The following WDR43 variants were observed in gnomAD, a reference collection of about 807,000 sequenced individuals.
WDR43 encodes WD repeat domain 43.
Under a neutral mutation model 91.4 loss-of-function variants are expected in WDR43, and 13 were observed. The ratio of observed to expected loss-of-function variants is 0.14; its 90% confidence interval spans 0.09 to 0.23. WDR43 has a LOEUF of 0.23. Among genes scored for constraint, WDR43 ranks in the 10% least tolerant of loss-of-function variants. WDR43 has a pLI of 1.00. For missense variants in WDR43, 780 were observed against 809.4 expected, an observed-to-expected ratio of 0.96 and a Z score of 0.44; for synonymous variants, 331 against 287.9, an observed-to-expected ratio of 1.15 and a Z score of -1.51.
chr2:28,895,590 A>T (rs1670464953), intron 1 of WDR43, among the ~76,000 whole-genome samples: 1 of 143,998 alleles, frequency 6.9e-6, no homozygotes, highest in South Asian at 2.2e-4. Context: ...CACCCACCCC[A>T]ATCTGAAGTC....
intron 1 of WDR43, 104 bp from the exon 2 acceptor site, chr2:28,901,882 CT>C (rs1212518743): frequency 1.9e-4 from 220 of 1,158,274 alleles, no homozygotes; most frequent in Non-Finnish European, 2.4e-4. Context: ...CTCTTCCCCC[CT>C]TTTAAAATGT....
intron 5 of WDR43, among the ~76,000 whole-genome samples, chr2:28,916,347 T>C (rs759923934): frequency 1.9e-4 from 29 of 152,120 alleles, no homozygotes; most frequent in Non-Finnish European, 4.1e-4. Flanking sequence ...TTTTTCAAGA[T>C]GGTTGTAGCA....
At position 28,927,646 on chromosome 2, in the gene WDR43, C is replaced by T. The variant is rs761560359; in HGVS notation, c.1251C>T (p.Pro417=). ...CTGGTCATCATGCAGCTATCAAGCC[C>T]GCTCCTCCACAAACCGAGCAAGTAG... ...GIPGHHAAIK[P]APPQTEQVES... The change falls in exon 10 of 18, where the codon CCC becomes CCT. Residue 417 remains proline, a synonymous_variant. Coordinates refer to ENST00000407426, the MANE Select transcript of WDR43 (RefSeq NM_015131.3). 4.7e-5 allele frequency: 76 copies of T among 1,613,696 alleles called. No homozygotes were observed. Among genetic ancestry groups the T allele is most frequent in the South Asian group, 1.6e-4 (15 of 91,080 alleles).
At chr2:28,917,225 C>T (rs1670928876) in intron 5 of WDR43, among the ~76,000 whole-genome samples, 1 of 152,148 alleles carries the variant, frequency 6.6e-6, no homozygotes, top group Non-Finnish European at 1.5e-5. Flanking sequence ...TTTCGCTAGT[C>T]TACACCCCTG....
At chr2:28,930,577 G>C (rs568152403) in intron 11 of WDR43, among the ~76,000 whole-genome samples, 60 of 152,246 alleles carry the variant, frequency 3.9e-4, no homozygotes, top group Middle Eastern at 6.8e-3. Flanking sequence ...TGTGGAGGTA[G>C]ATTTTAGTTT....
chr2:28,897,940 A>T (rs1382803588), intron 1 of WDR43, among the ~76,000 whole-genome samples: 1 of 152,214 alleles, frequency 6.6e-6, no homozygotes, highest in African/African-American at 2.4e-5. Flanking sequence ...ACAAGAAGAT[A>T]GGAAAGTGCA....
At chr2:28,945,235 T>TA (rs58084771) in intron 16 of WDR43, among the ~76,000 whole-genome samples, 4,930 of 152,202 alleles carry the variant, frequency 0.032, 261 homozygotes, top group African/African-American at 0.11. Context: ...TAGAATATCT[T>TA]AAAAAAATAG....
chr2:28,898,547 T>G (rs1199718431), intron 1 of WDR43, among the ~76,000 whole-genome samples: 2 of 152,158 alleles, frequency 1.3e-5, no homozygotes, highest in African/African-American at 4.8e-5. Flanking sequence ...GCAGTGGCAG[T>G]GAGATAGATG....
At chr2:28,905,362 C>G (rs965492072) in intron 2 of WDR43, among the ~76,000 whole-genome samples, 2 of 152,130 alleles carry the variant, frequency 1.3e-5, no homozygotes, top group South Asian at 2.1e-4. Context: ...GTTTCTATTC[C>G]TACGTGCCTC....
intron 1 of WDR43, among the ~76,000 whole-genome samples, chr2:28,898,186 A>G (rs1350411011): frequency 6.6e-6 from 1 of 152,236 alleles, no homozygotes; most frequent in African/African-American, 2.4e-5. Context: ...TGGCTATCAC[A>G]GTAAATGTGT....
intron 4 of WDR43, chr2:28,913,517 A>G (rs1295758137): frequency 2.9e-6 from 1 of 348,060 alleles, no homozygotes; most frequent in African/African-American, 2.2e-5. Context: ...TCTTAATAAA[A>G]AAGTTTTTAC....
In WDR43 at chr2:28,906,548, T is replaced by C; in HGVS notation, c.452T>C (p.Val151Ala). The change falls in exon 3 of 18, where the codon GTG (valine) becomes GCG (alanine). Residue 151 changes from valine to alanine, a missense_variant. Around this residue, in one of 4 missense-constraint regions of WDR43, gnomAD observed 174 missense variants for 207.3 expected, o/e 0.84. Coordinates refer to ENST00000407426, the MANE Select transcript of WDR43 (RefSeq NM_015131.3). ...AGTTGTTCAGATGATAAACATATTG[T>C]GGAATGGAACGTACAGACATGCAAA... The part of the protein sequence containing the change: ...LYSCSDDKHI[V>A]EWNVQTCKVK... The C allele has an allele frequency of 2.5e-6, 4 of 1,611,428 alleles. No homozygotes were observed. Among genetic ancestry groups the C allele is most frequent in the Non-Finnish European group, 3.4e-6 (4 of 1,178,872 alleles).
chr2:28,945,605 G>A (rs1671531069), intron 16 of WDR43, among the ~76,000 whole-genome samples: 1 of 152,156 alleles, frequency 6.6e-6, no homozygotes, highest in South Asian at 2.1e-4. Flanking sequence ...GAGGCCTAAA[G>A]GTTTGATTGG....
Position 28,902,112 on chromosome 2 carries a change from C to G in WDR43, c.351C>G (p.His117Gln), listed in dbSNP as rs1670587162. 6.4e-6 allele frequency: 10 copies of G among 1,568,138 alleles called. No individual in the cohort carries two copies. The highest frequency in any genetic ancestry group is 7.8e-6 in the Non-Finnish European group (9 of 1,158,162). Residue 117 changes from histidine to glutamine, a missense_variant, in exon 2 of 18, where the codon CAC (histidine) becomes CAG (glutamine). Physicochemically the swap from His to Gln is conservative, Grantham distance 24 (BLOSUM62 0). Around this residue, in one of 4 missense-constraint regions of WDR43, gnomAD observed 174 missense variants for 207.3 expected, o/e 0.84. Transcript: ENST00000407426. ...ACAGCACAGTAAAAGGAGAGTTACA[C>G]AGTAAATTAATAGTAAGTGTGTGTA... ...LLYSTVKGEL[H>Q]SKLISGGHDN...
In WDR43 at chr2:28,946,429, G is replaced by A. The variant is rs370474431; in HGVS notation, c.1805-21G>A. ...TCTGTTTTGTTCTAAAATTAAGGCT[G>A]GGTTCTTTCTCCCCTTACAGAGTCT... On this transcript the variant is annotated intron_variant, in intron 16 of 17. Transcript: ENST00000407426. 6 of 1,601,780 alleles carry A rather than the reference G, an allele frequency of 3.7e-6. No homozygotes were observed. The African/African-American group carries it at 6.7e-5, about 18-fold the overall frequency.
intron 12 of WDR43, among the ~76,000 whole-genome samples, chr2:28,936,223 A>C (rs1362492335): frequency 6.6e-6 from 1 of 152,156 alleles, no homozygotes; most frequent in Non-Finnish European, 1.5e-5. Context: ...AATTTCACTG[A>C]AACTTGCCCT....
chr2:28,931,546 A>G (rs916841334), intron 11 of WDR43, among the ~76,000 whole-genome samples: 3 of 152,172 alleles, frequency 2.0e-5, no homozygotes, highest in African/African-American at 7.2e-5. Flanking sequence ...GTATCATTTA[A>G]CACATTGCTC....
intron 4 of WDR43, among the ~76,000 whole-genome samples, chr2:28,913,063 C>G (rs577204722): frequency 1.3e-5 from 2 of 150,046 alleles, no homozygotes; most frequent in East Asian, 3.9e-4. Context: ...CCGCCATTCT[C>G]CTGCCTCAGC....
intron 9 of WDR43, chr2:28,927,212 A>G (rs928044777): frequency 1.9e-6 from 1 of 518,818 alleles, no homozygotes; most frequent in Non-Finnish European, 3.8e-6. Flanking sequence ...ATTTTTAAAA[A>G]TCATTGTGTC....
Sources: gnomAD v4.1 joint callset for allele counts (sites outside exome capture counted in the v4.1 genomes callset) on GRCh38, gnomAD v4.1.1 for gene constraint, gnomAD v4.1.1 regional missense constraint, MANE v1.5 for transcripts, NCBI Gene and HGNC (gene_info 2026-07-23, HGNC 2026-07-21) for gene names.